The following CNTLN variants were observed in gnomAD, a reference collection of about 807,000 sequenced individuals.
CNTLN encodes the protein centlein, also known as centlein, centrosomal protein.
Under a neutral mutation model 180.0 loss-of-function variants are expected in CNTLN, and 212 were observed. The ratio of observed to expected loss-of-function variants is 1.18; its 90% confidence interval spans 1.05 to 1.32. The LOEUF is 1.32. Ranked by LOEUF, CNTLN falls within the 40% of genes most tolerant of loss-of-function variation. The pLI is 0.00. For missense variants in CNTLN, 2,095 were observed against 1,610.9 expected (o/e 1.30, Z -5.14); for synonymous variants, 722 against 563.1 (o/e 1.28, Z -3.99).
intron 12 of CNTLN, among the ~76,000 whole-genome samples, chr9:17,354,603 T>C (rs1822667994): frequency 6.6e-6 from 1 of 152,106 alleles, no homozygotes; most frequent in Non-Finnish European, 1.5e-5. Flanking sequence ...GTGGAAACTA[T>C]ATCTAACTAA....
At chr9:17,353,249 C>G (rs1310246955) in intron 12 of CNTLN, among the ~76,000 whole-genome samples, 2 of 151,334 alleles carry the variant, frequency 1.3e-5, no homozygotes, top group Non-Finnish European at 2.9e-5. Context: ...AGCGATAGTA[C>G]CCTGCTTTAT....
intron 5 of CNTLN, among the ~76,000 whole-genome samples, chr9:17,266,874 T>C (rs1442057330): frequency 6.6e-6 from 1 of 152,172 alleles, no homozygotes; most frequent in East Asian, 1.9e-4. Context: ...TGCCTTTTTT[T>C]GTTTTCCATT....
intron 18 of CNTLN, among the ~76,000 whole-genome samples, chr9:17,425,066 C>T (rs971248726): frequency 7.2e-5 from 11 of 152,046 alleles, no homozygotes; most frequent in Admixed American, 2.0e-4. Context: ...CTATATTTAG[C>T]GAAAACAGAG....
intron 2 of CNTLN, among the ~76,000 whole-genome samples, chr9:17,147,601 T>C (rs538350016): frequency 1.3e-5 from 2 of 151,960 alleles, no homozygotes; most frequent in Non-Finnish European, 2.9e-5. Context: ...ATTTGTCAAA[T>C]TTATAGTTCA....
Position 17,296,005 on chromosome 9 carries a change from T to A in CNTLN, c.984-2185T>A, listed in dbSNP as rs1401369045. On this transcript the variant is annotated intron_variant, in intron 6 of 25. Transcript: ENST00000380647. ...GAGAGAGAGAGAGAGAGAGTGTGTG[T>A]GTGTGTGTGTGTGTGTGTGTGTGTG... 9.6e-3 allele frequency among the ~76,000 whole-genome samples: 710 copies of A among 73,610 alleles called. 3 individuals are homozygous for A. The highest frequency in any genetic ancestry group is 0.027 in the African/African-American group (356 of 13,408). The allele number at this position is 73,610 out of a possible 152,430, so 48.3% of individuals were successfully genotyped here.
intron 6 of CNTLN, among the ~76,000 whole-genome samples, chr9:17,290,344 C>G (rs571524196): frequency 6.6e-6 from 1 of 150,818 alleles, no homozygotes; most frequent in African/African-American, 2.4e-5. Context: ...CAGGGACCCA[C>G]TTGAGGAGGC....
intron 2 of CNTLN, among the ~76,000 whole-genome samples, chr9:17,181,111 G>C (rs952687410): frequency 3.7e-4 from 56 of 152,098 alleles, no homozygotes; most frequent in African/African-American, 1.3e-3. Flanking sequence ...GATAAATTTT[G>C]AGTCACTGTT....
At chr9:17,411,369 G>A (rs1827831584) in intron 16 of CNTLN, among the ~76,000 whole-genome samples, 1 of 152,148 alleles carries the variant, frequency 6.6e-6, no homozygotes, top group Admixed American at 6.5e-5. Flanking sequence ...TTGCAACCCT[G>A]TTTCCAGCCC....
chr9:17,386,687 G>C (rs140033808), intron 13 of CNTLN, among the ~76,000 whole-genome samples: 1 of 152,124 alleles, frequency 6.6e-6, no homozygotes, highest in Non-Finnish European at 1.5e-5. Context: ...ATCTACCAGT[G>C]GACCTCACAC....
chr9:17,465,450 TA>T (rs1262357674), intron 21 of CNTLN, among the ~76,000 whole-genome samples: 6 of 150,662 alleles, frequency 4.0e-5, no homozygotes, highest in African/African-American at 1.5e-4. Context: ...AATCTTTATA[TA>T]AATAACATAT....
At chr9:17,527,959 G>T in the CNTLN span, among the ~76,000 whole-genome samples, 3 of 152,078 alleles carry the variant, frequency 2.0e-5, no homozygotes, top group Admixed American at 2.0e-4. Context: ...TAAATATTTT[G>T]TGGCACACAT....
At chr9:17,224,118 T>C (rs1336656442) in intron 2 of CNTLN, among the ~76,000 whole-genome samples, 1 of 152,066 alleles carries the variant, frequency 6.6e-6, no homozygotes, top group African/African-American at 2.4e-5. Flanking sequence ...TCCCAGCTTC[T>C]CTAGGACTGG....
At chr9:17,259,528 T>A (rs1826785329) in intron 5 of CNTLN, among the ~76,000 whole-genome samples, 1 of 150,150 alleles carries the variant, frequency 6.7e-6, no homozygotes, top group Non-Finnish European at 1.5e-5. Context: ...TTCTATTGAT[T>A]GGAATAGTTT....
chr9:17,180,945 A>T (rs1221033044), intron 2 of CNTLN, among the ~76,000 whole-genome samples: 1 of 152,106 alleles, frequency 6.6e-6, no homozygotes, highest in Non-Finnish European at 1.5e-5. Flanking sequence ...TTAGGTAATA[A>T]TGGTATTTCT....
At chr9:17,260,860 A>G (rs548657301) in intron 5 of CNTLN, among the ~76,000 whole-genome samples, 2 of 151,324 alleles carry the variant, frequency 1.3e-5, no homozygotes, top group East Asian at 3.9e-4. Flanking sequence ...GTATGGTGTA[A>G]GGAAGGGGTC....
the CNTLN span, among the ~76,000 whole-genome samples, chr9:17,514,377 T>G: frequency 2.6e-5 from 4 of 152,018 alleles, no homozygotes; most frequent in Admixed American, 2.0e-4. Flanking sequence ...AGAATATAGA[T>G]AAAGATCTGC....
chr9:17,188,526 T>C (rs1821578744), intron 2 of CNTLN, among the ~76,000 whole-genome samples: 1 of 152,168 alleles, frequency 6.6e-6, no homozygotes, highest in South Asian at 2.1e-4. Context: ...GTTTAGGCAA[T>C]ATTGTTTGGG....
At chr9:17,429,938 T>G (rs556861762) in intron 18 of CNTLN, among the ~76,000 whole-genome samples, 3 of 152,138 alleles carry the variant, frequency 2.0e-5, no homozygotes, top group South Asian at 2.1e-4. Flanking sequence ...TAGTTTCATT[T>G]GAATGGACAT....
chr9:17,318,187 C>T lies in CNTLN; in HGVS notation c.1341+8935C>T, dbSNP rs149682546. Among the ~76,000 whole-genome samples, 872 of 151,972 alleles carry T rather than the reference C, an allele frequency of 5.7e-3. 10 individuals carry two copies. Among genetic ancestry groups the T allele is most frequent in the African/African-American group, 0.02 (837 of 41,444 alleles). ...GGACTACAGGCGCCCACCACCACGC[C>T]CGGCTAATTTTTTTTGTATTTTTAG... On this transcript the variant is annotated intron_variant, in intron 8 of 25. Transcript: ENST00000380647.
Sources: allele counts gnomAD v4.1 joint callset (sites outside exome capture counted in the v4.1 genomes callset), GRCh38; gene constraint gnomAD v4.1.1; transcripts MANE v1.5; gene names NCBI Gene and HGNC (gene_info 2026-07-23, HGNC 2026-07-21).